ZBTB9: variants seen among roughly 807,000 people sequenced by gnomAD.
ZBTB9 encodes zinc finger and BTB domain containing 9.
In ZBTB9, 17 loss-of-function variants were observed where a neutral mutation model predicts 26.3. The ratio of observed to expected loss-of-function variants is 0.65; its 90% CI spans 0.44 to 0.97. ZBTB9 has a LOEUF of 0.97. ZBTB9 is among the 50% of genes least tolerant of loss of function. ZBTB9 has a pLI of 0.00. For missense variants in ZBTB9, 510 were observed against 594.2 expected, an observed-to-expected ratio of 0.86 and a Z score of 1.47; for synonymous variants, 226 against 234.3, an observed-to-expected ratio of 0.96 and a Z score of 0.32.
rs1761505213 is a variant in ZBTB9 at position 33,457,499 on chromosome 6, T to TG, written c.*978dup. ...AGATACTGGAATCGGGGGTGGGACT[T>TG]GCAGTTACTTAAAATTTTTTAATAA... On this transcript the variant is annotated 3_prime_UTR_variant, in exon 2 of 2. Coordinates refer to ENST00000395064, the MANE Select transcript of ZBTB9 (RefSeq NM_152735.4). The TG allele has an allele frequency of 6.0e-6, 1 of 167,050 alleles. No individual in the cohort carries two copies. Among genetic ancestry groups the TG allele is most frequent in the Admixed American group, 6.5e-5 (1 of 15,278 alleles). The allele number at this position is 167,050 out of a possible 1,614,324, so 10.3% of individuals were successfully genotyped here. A position where few individuals can be genotyped will look rare whatever the true frequency, so the allele number is the denominator to read the frequency against.
rs529504855 is a variant in ZBTB9 at position 33,455,123 on chromosome 6, C to T, written c.23C>T (p.Pro8Leu). The change falls in exon 2 of 2, where the codon CCG becomes CTG. Residue 8 changes from proline (P) to leucine (L), a missense_variant. Transcript: ENST00000395064. METPTPL[P>L]PVPASPTCNP... ...GCCATGGAAACCCCAACACCTTTGC[C>T]GCCTGTACCCGCCTCCCCGACCTGC... is the stretch of plus-strand genomic sequence containing the variant. 1.0e-4 allele frequency: 161 copies of T among 1,607,906 alleles called. 1 individual carries two copies. The South Asian group carries it at 1.7e-3, about 17-fold the overall frequency.
upstream of ZBTB9, chr6:33,453,825 ACT>A (rs1345950282): frequency 1.3e-5 from 2 of 150,758 alleles, no homozygotes; most frequent in African/African-American, 2.4e-5. Context: ...ATAGAATGTC[ACT>A]CTCCCCTCCC....
rs1761448917 is a variant in ZBTB9 at position 33,454,902 on chromosome 6, G to A, written c.-72+127G>A. 8 of 712,808 alleles carry A rather than the reference G, an allele frequency of 1.1e-5. No individual in the cohort carries two copies. In the South Asian group the frequency reaches 1.8e-4, roughly 16 times the overall value. The allele number at this position is 712,808 out of a possible 1,614,324, so 44.2% of individuals were successfully genotyped here. Reference sequence around the variant, plus strand: ...TTTGTTTTTGCTTTCTTGGTGTGCGGGACTGATTTGCAGAAACCGCCACTG... The same window carrying A: ...TTTGTTTTTGCTTTCTTGGTGTGCGAGACTGATTTGCAGAAACCGCCACTG... On this transcript the variant is annotated intron_variant, in intron 1 of 1. Coordinates refer to ENST00000395064, the MANE Select transcript of ZBTB9 (RefSeq NM_152735.4).
chr6:33,454,664 G>A lies in ZBTB9; in HGVS notation c.-183G>A, dbSNP rs1761442291. ...ACGGCGGGGGCGTGTCGGCGGGAAG[G>A]ACAATCGGGCCGGGACTCGCGGTGT... On this transcript the variant is annotated 5_prime_UTR_variant, in exon 1 of 2. Transcript: ENST00000395064. 4.8e-6 allele frequency: 1 copy of A among 210,472 alleles called. No homozygotes were observed. The highest frequency in any genetic ancestry group is 1.0e-4 in the East Asian group (1 of 10,034). 13.0% of individuals were successfully genotyped at this position (210,472 alleles called of 1,614,324 possible). A position where few individuals can be genotyped will look rare whatever the true frequency, so the allele number is the denominator to read the frequency against.
At position 33,455,555 on chromosome 6, in the gene ZBTB9, G is replaced by C. The variant is rs767647282; in HGVS notation, c.455G>C (p.Gly152Ala). 7 of 1,614,200 alleles carry C rather than the reference G, an allele frequency of 4.3e-6. No individual in the cohort carries two copies. The highest frequency in any genetic ancestry group is 5.9e-6 in the Non-Finnish European group (7 of 1,180,032). Reference protein sequence around the residue: ...ETSGGGISARGGNSYHALLST... With the variant: ...ETSGGGISARAGNSYHALLST... ...TCAGGTGGTGGAATTTCAGCCCGTG[G>C]AGGAAACTCCTACCATGCCCTTCTT... Residue 152 changes from glycine (G) to alanine (A), a missense_variant, in exon 2 of 2, where the codon GGA (glycine) becomes GCA (alanine). Coordinates refer to ENST00000395064, the MANE Select transcript of ZBTB9 (RefSeq NM_152735.4).
Position 33,456,597 on chromosome 6 carries a change from G to A in ZBTB9, c.*75G>A, listed in dbSNP as rs1246934757. 1 of 1,524,472 alleles carries A rather than the reference G, an allele frequency of 6.6e-7. No homozygotes were observed. Among genetic ancestry groups the A allele is most frequent in the East Asian group, 2.3e-5 (1 of 44,082 alleles). The allele number at this position is 1,524,472 out of a possible 1,614,324, so 94.4% of individuals were successfully genotyped here. ...ATGGATACTTTTCCCTCACTGCCAT[G>A]GCACACCAGTCATGGATCTTGTAAT... On this transcript the variant is annotated 3_prime_UTR_variant, in exon 2 of 2. Transcript: ENST00000395064. The surrounding 1 kb of genome is among the most constrained non-coding windows in gnomAD (Gnocchi z 5.1).
Position 33,455,066 on chromosome 6 carries a change from T to C in ZBTB9, c.-35T>C, listed in dbSNP as rs376498928. On this transcript the variant is annotated 5_prime_UTR_variant, in exon 2 of 2. Transcript: ENST00000395064. ...CGTGGAGTCTACCCCCAAGCCCTTC[T>C]CCTCTTCCCAATTCTTGTCACCTTC... is the stretch of plus-strand genomic sequence containing the variant. The C allele has an allele frequency of 6.6e-5, 103 of 1,554,158 alleles. No homozygotes were observed. The highest frequency in any genetic ancestry group is 8.8e-5 in the Non-Finnish European group (101 of 1,149,496).
chr6:33,454,905 C>T, intron 1 of ZBTB9, 125 bp from the exon 2 acceptor site: 1 of 740,468 alleles, frequency 1.4e-6, no homozygotes, highest in Non-Finnish European at 2.1e-6. Context: ...GTGTGCGGGA[C>T]TGATTTGCAG....
At position 33,455,351 on chromosome 6, in the gene ZBTB9, G is replaced by A. The variant is rs765155880; in HGVS notation, c.251G>A (p.Arg84His). 2 of 1,614,046 alleles carry A rather than the reference G, an allele frequency of 1.2e-6. No individual in the cohort carries two copies. Among genetic ancestry groups the A allele is most frequent in the African/African-American group, 1.3e-5 (1 of 74,914 alleles). Residue 84 changes from arginine to histidine, a missense_variant, in exon 2 of 2, where the codon CGT (arginine) becomes CAT (histidine). By Grantham distance (29) the Arg-to-His change is conservative. Around this residue, in one of 2 missense-constraint regions of ZBTB9, gnomAD observed 439 missense variants for 460.4 expected, o/e 0.95. Transcript: ENST00000395064. ...AAGCTGCTTCTGGGGGATGCGCCTC[G>A]TCTCACTCTACCGAGTGTCATTGAA... ...HDKLLLGDAP[R>H]LTLPSVIEAD...
chr6:33,453,762 C>G (rs909546283), upstream of ZBTB9: 1 of 152,098 alleles, frequency 6.6e-6, no homozygotes, highest in South Asian at 2.1e-4. Context: ...TGAAAGGAAG[C>G]TGACAGCCTG....
At chr6:33,454,898 T>C (rs1467620079) in intron 1 of ZBTB9, 123 bp downstream of exon 1, 4 of 682,336 alleles carry the variant, frequency 5.9e-6, no homozygotes, top group Non-Finnish European at 9.4e-6. Context: ...TTTCTTGGTG[T>C]GCGGGACTGA....
Position 33,455,816 on chromosome 6 carries a change from G to A in ZBTB9, c.716G>A (p.Arg239Lys). The change falls in exon 2 of 2, where the codon AGA becomes AAA. Residue 239 changes from arginine to lysine, a missense_variant. Arg to Lys is a conservative substitution (Grantham distance 26). Around this residue, in one of 2 missense-constraint regions of ZBTB9, gnomAD observed 439 missense variants for 460.4 expected, o/e 0.95. Transcript: ENST00000395064. ...ATLSQTPQPQ[R>K]VSGVFPRPHG... is the part of the protein sequence containing the mutation. ...CTCTCTCAGACTCCTCAGCCCCAGAGAGTATCAGGGGTTTTTCCCCGTCCT... is the reference window on the plus strand; with the variant it reads ...CTCTCTCAGACTCCTCAGCCCCAGAAAGTATCAGGGGTTTTTCCCCGTCCT... 6.2e-7 allele frequency: 1 copy of A among 1,610,938 alleles called. No homozygotes were observed. The highest frequency in any genetic ancestry group is 8.5e-7 in the Non-Finnish European group (1 of 1,178,290).
rs1020925401 is a variant in ZBTB9, at chr6:33,457,086, T to C, written c.*564T>C. 1 of 167,384 alleles carries C rather than the reference T, an allele frequency of 6.0e-6. No individual in the cohort carries two copies. Among genetic ancestry groups the C allele is most frequent in the Non-Finnish European group, 1.5e-5 (1 of 68,314 alleles). The allele number at this position is 167,384 out of a possible 1,614,324, so 10.4% of individuals were successfully genotyped here. On this transcript the variant is annotated 3_prime_UTR_variant, in exon 2 of 2. Coordinates refer to ENST00000395064, the MANE Select transcript of ZBTB9 (RefSeq NM_152735.4). ...AGATTGTACCTTGCTTTCTCACCAA[T>C]AGACACCTTCCCGACACTTTTTTAA...
chr6:33,455,786 C>T lies in ZBTB9; in HGVS notation c.686C>T (p.Ala229Val), dbSNP rs778944081. Residue 229 changes from alanine to valine, a missense_variant, in exon 2 of 2, where the codon GCC becomes GTC. Ala to Val is a moderately conservative substitution (Grantham distance 64, BLOSUM62 0). This residue lies in a region of ZBTB9 where 439 missense variants were observed against 460.4 expected (regional missense o/e 0.95). Transcript: ENST00000395064. Reference sequence around the variant, plus strand: ...GATGATGATGAGGACCAGGGGTCAGCCACACTCTCTCAGACTCCTCAGCCC... The same window carrying T: ...GATGATGATGAGGACCAGGGGTCAGTCACACTCTCTCAGACTCCTCAGCCC... ...EDDDDEDQGS[A>V]TLSQTPQPQR... 12 of 1,611,914 alleles carry T rather than the reference C, an allele frequency of 7.4e-6. No homozygotes were observed. Among genetic ancestry groups the T allele is most frequent in the Middle Eastern group, 3.3e-4 (2 of 6,052 alleles).
Position 33,455,929 on chromosome 6 carries a change from G to A in ZBTB9, c.829G>A (p.Ala277Thr). Residue 277 changes from alanine to threonine, a missense_variant, in exon 2 of 2, where the codon GCA becomes ACA. By Grantham distance (58) the Ala-to-Thr change is moderately conservative. Transcript: ENST00000395064. The stretch of plus-strand genomic sequence containing the variant: ...ACCACTTGAGCTTCCTGCCCCTCCT[G>A]CACTGCCCCCCAAAATCTTCTACAT... ...SAPLELPAPP[A>T]LPPKIFYIKQ... 1.2e-6 allele frequency: 2 copies of A among 1,612,230 alleles called. No individual in the cohort carries two copies. The highest frequency in any genetic ancestry group is 1.7e-6 in the Non-Finnish European group (2 of 1,179,056).
In ZBTB9 at chr6:33,455,403, G is replaced by T. The variant is rs777113690; in HGVS notation, c.303G>T (p.Gln101His). 6.2e-7 allele frequency: 1 copy of T among 1,613,746 alleles called. No individual in the cohort carries two copies. Among genetic ancestry groups the T allele is most frequent in the Non-Finnish European group, 8.5e-7 (1 of 1,179,960 alleles). ...IEADAFEGLL[Q>H]LIYSGRLRLP... ...CCGATGCCTTCGAGGGGCTGCTCCAGCTCATTTATTCAGGGCGTCTCCGCC... is the reference window on the plus strand; with the variant it reads ...CCGATGCCTTCGAGGGGCTGCTCCATCTCATTTATTCAGGGCGTCTCCGCC... The change falls in exon 2 of 2, where the codon CAG becomes CAT. Residue 101 changes from glutamine to histidine, a missense_variant. This residue lies in a region of ZBTB9 where 439 missense variants were observed against 460.4 expected (regional missense o/e 0.95). Transcript: ENST00000395064.
At position 33,455,541 on chromosome 6, in the gene ZBTB9, A is replaced by T; in HGVS notation, c.441A>T (p.Gly147=). The change falls in exon 2 of 2, where the codon GGA becomes GGT. Residue 147 remains glycine, a synonymous_variant. Coordinates refer to ENST00000395064, the MANE Select transcript of ZBTB9 (RefSeq NM_152735.4). The stretch of plus-strand genomic sequence containing the variant: ...GAGAATTAGAAACTTCAGGTGGTGG[A>T]ATTTCAGCCCGTGGAGGAAACTCCT... ...ILRELETSGG[G]ISARGGNSYH... The T allele has an allele frequency of 1.2e-6, 2 of 1,614,184 alleles. No homozygotes were observed. Among genetic ancestry groups the T allele is most frequent in the Non-Finnish European group, 1.7e-6 (2 of 1,180,018 alleles).
chr6:33,455,942 A>G lies in ZBTB9; in HGVS notation c.842A>G (p.Lys281Arg), dbSNP rs527730066. 13 of 1,612,242 alleles carry G rather than the reference A, an allele frequency of 8.1e-6. No individual in the cohort carries two copies. In the South Asian group the frequency reaches 9.9e-5, roughly 12 times the overall value. Reference protein sequence around the residue: ...ELPAPPALPPKIFYIKQEPFE... With the variant: ...ELPAPPALPPRIFYIKQEPFE... ...CCTGCCCCTCCTGCACTGCCCCCCA[A>G]AATCTTCTACATTAAGCAGGAACCC... Residue 281 changes from lysine to arginine, a missense_variant, in exon 2 of 2, where the codon AAA becomes AGA. Lys to Arg is a conservative substitution (Grantham distance 26). Transcript: ENST00000395064.
Position 33,455,013 on chromosome 6 carries a change from A to T in ZBTB9, c.-71-17A>T. 6.6e-7 allele frequency: 1 copy of T among 1,510,148 alleles called. No individual in the cohort carries two copies. The highest frequency in any genetic ancestry group is 2.3e-5 in the East Asian group (1 of 43,698). 93.5% of individuals were successfully genotyped at this position (1,510,148 alleles called of 1,614,324 possible). ...TTTATCCAGGGCTTCTGTGACCTCC[A>T]TCTTTTTCCTCTGCAGCCTTCATCC... On this transcript the variant is annotated splice_polypyrimidine_tract_variant and intron_variant, in intron 1 of 1. Coordinates refer to ENST00000395064, the MANE Select transcript of ZBTB9 (RefSeq NM_152735.4).
Sources: allele counts gnomAD v4.1 joint callset, GRCh38; gene constraint gnomAD v4.1.1; regional missense constraint gnomAD v4.1.1; non-coding constraint Gnocchi (gnomAD v3.1); transcripts MANE v1.5; gene names NCBI Gene and HGNC (gene_info 2026-07-23, HGNC 2026-07-21).